Variants in PARP8 observed in about 807,000 individuals in gnomAD.
PARP8 encodes protein mono-ADP-ribosyltransferase PARP8.
PARP8 carries 51 observed loss-of-function variants against 124.1 expected under a neutral mutation model. That is an observed-to-expected ratio of 0.41 (90% CI 0.33 to 0.52). The LOEUF (loss-of-function observed/expected upper bound fraction) is 0.52, where lower values mean the gene tolerates loss of function less well. Among genes scored for constraint, PARP8 ranks in the 20% least tolerant of loss-of-function variants. The probability of loss-of-function intolerance (pLI) is 0.21; values close to 1 mark genes in which losing one functional copy is unlikely to be tolerated. For synonymous variants in PARP8, 391 were observed against 361.5 expected (o/e 1.08, Z -0.93); for missense variants, 860 against 1,018.9 (o/e 0.84, Z 2.12).
chr5:50,730,405 T>G (rs1340496817), intron 2 of PARP8, among the ~76,000 whole-genome samples: 1 of 152,128 alleles, frequency 6.6e-6, no homozygotes, highest in Non-Finnish European at 1.5e-5. Context: ...CTTCACATGA[T>G]AGCAGGGGAG....
At chr5:50,705,583 G>C (rs1296446062) in intron 2 of PARP8, among the ~76,000 whole-genome samples, 2 of 152,134 alleles carry the variant, frequency 1.3e-5, no homozygotes, top group Non-Finnish European at 2.9e-5. Context: ...CTAGGAGTTT[G>C]AGACCAGCCT....
At position 50,742,506 on chromosome 5, in the gene PARP8, G is replaced by A. The variant is rs565877573; in HGVS notation, c.147-7645G>A. On this transcript the variant is annotated intron_variant, in intron 2 of 25. Transcript: ENST00000281631. ...GCTTGTAGGTGGTTGGTGGGAGACA[G>A]AATAAAGGGAATGCCTTGAGGAAGT... Among the ~76,000 whole-genome samples, 8 of 152,250 alleles carry A rather than the reference G, an allele frequency of 5.3e-5. No individual in the cohort carries two copies. In the South Asian group the frequency reaches 6.2e-4, roughly 12 times the overall value.
rs147924788 is a variant in PARP8 at position 50,731,305 on chromosome 5, A to C, written c.147-18846A>C. Among the ~76,000 whole-genome samples the C allele has an allele frequency of 3.3e-3, 506 of 152,274 alleles. 27 individuals carry two copies. The East Asian group carries it at 0.083, about 25-fold the overall frequency. Reference sequence around the variant, plus strand: ...TAGAGAGTGAAATCAAAAATCTCTCAATTTTGAATTTCTTTTTTCAATTGA... The same window carrying C: ...TAGAGAGTGAAATCAAAAATCTCTCCATTTTGAATTTCTTTTTTCAATTGA... On this transcript the variant is annotated intron_variant, in intron 2 of 25. Coordinates refer to ENST00000281631, the MANE Select transcript of PARP8 (RefSeq NM_024615.4).
At chr5:50,739,281 G>A (rs1002700189) in intron 2 of PARP8, among the ~76,000 whole-genome samples, 2 of 152,098 alleles carry the variant, frequency 1.3e-5, no homozygotes, top group Non-Finnish European at 2.9e-5. Flanking sequence ...GAAAACCTTA[G>A]GGCTTCCATA....
intron 2 of PARP8, among the ~76,000 whole-genome samples, chr5:50,727,006 G>T (rs1178998551): frequency 6.6e-6 from 1 of 152,052 alleles, no homozygotes; most frequent in Non-Finnish European, 1.5e-5. Flanking sequence ...TGGTAAAGAT[G>T]ACATTTACAG....
At chr5:50,800,821 A>G (rs1289902866) in intron 14 of PARP8, among the ~76,000 whole-genome samples, 1 of 151,502 alleles carries the variant, frequency 6.6e-6, no homozygotes, top group African/African-American at 2.4e-5. Flanking sequence ...CAGTGGTGCA[A>G]ACATGGCTCA....
At chr5:50,742,187 A>G (rs1420911329) in intron 2 of PARP8, among the ~76,000 whole-genome samples, 1 of 152,196 alleles carries the variant, frequency 6.6e-6, no homozygotes, top group East Asian at 1.9e-4. Flanking sequence ...GGGGGCAGAT[A>G]TTGTGTGCAG....
chr5:50,693,229 T>C (rs1752678936), intron 2 of PARP8, among the ~76,000 whole-genome samples: 1 of 152,190 alleles, frequency 6.6e-6, no homozygotes, highest in Admixed American at 6.5e-5. Context: ...AAGTTTGAAT[T>C]AGTATGGGAA....
intron 3 of PARP8, among the ~76,000 whole-genome samples, chr5:50,759,062 T>A (rs1452072301): frequency 6.6e-6 from 1 of 152,082 alleles, no homozygotes; most frequent in Non-Finnish European, 1.5e-5. Context: ...TTTTGAATGA[T>A]TTGATAATGA....
intron 14 of PARP8, among the ~76,000 whole-genome samples, chr5:50,800,186 A>G (rs1188023139): frequency 6.6e-6 from 1 of 152,072 alleles, no homozygotes; most frequent in East Asian, 1.9e-4. Context: ...GCATTTTATT[A>G]TTTTTGATGT....
At chr5:50,714,084 CTT>C (rs34294100) in intron 2 of PARP8, among the ~76,000 whole-genome samples, 6 of 137,768 alleles carry the variant, frequency 4.4e-5, no homozygotes, top group Admixed American at 7.2e-5. Flanking sequence ...TTCTTTCTTT[CTT>C]TTTTTTTTTT....
intron 2 of PARP8, among the ~76,000 whole-genome samples, chr5:50,688,683 A>T (rs2149456588): frequency 6.6e-6 from 1 of 152,330 alleles, no homozygotes; most frequent in Non-Finnish European, 1.5e-5. Flanking sequence ...TAATTATGAA[A>T]GTTCTCAATT....
intron 24 of PARP8, 131 bp downstream of exon 24, chr5:50,834,179 C>A: frequency 1.1e-5 from 8 of 712,240 alleles, no homozygotes; most frequent in Middle Eastern, 4.3e-4. Context: ...TCTCAAAGGG[C>A]ACAAATGCAA....
intron 2 of PARP8, among the ~76,000 whole-genome samples, chr5:50,714,497 C>T (rs577747213): frequency 1.3e-5 from 2 of 152,144 alleles, no homozygotes; most frequent in East Asian, 3.9e-4. Flanking sequence ...TGGTGGTTTG[C>T]TGCGCCTATC....
At chr5:50,788,502 G>A (rs561649249) in intron 9 of PARP8, 21 bp from the exon 10 acceptor site, 3 of 1,608,668 alleles carry the variant, frequency 1.9e-6, no homozygotes, top group Non-Finnish European at 2.6e-6. Context: ...ATATGTGACT[G>A]TGATCCTTTT....
intron 18 of PARP8, 138 bp downstream of exon 18, chr5:50,825,113 TG>T: frequency 1.4e-6 from 1 of 703,688 alleles, no homozygotes; most frequent in South Asian, 1.9e-5. Context: ...TTATGAGACC[TG>T]GTGATTTTAC....
Position 50,842,373 on chromosome 5 carries a change from C to T in PARP8, c.*305C>T. 1 of 219,700 alleles carries T rather than the reference C, an allele frequency of 4.6e-6. No individual in the cohort carries two copies. The allele number at this position is 219,700 out of a possible 1,614,324, so 13.6% of individuals were successfully genotyped here. ...TGTGCTGATATTTTTATACTAAACT[C>T]TTTAACTGGATATTTGGTATTATAT... is the stretch of plus-strand genomic sequence containing the variant. On this transcript the variant is annotated 3_prime_UTR_variant, in exon 26 of 26. Coordinates refer to ENST00000281631, the MANE Select transcript of PARP8 (RefSeq NM_024615.4).
intron 2 of PARP8, among the ~76,000 whole-genome samples, chr5:50,712,657 C>T (rs1026561011): frequency 6.6e-6 from 1 of 152,016 alleles, no homozygotes; most frequent in African/African-American, 2.4e-5. Context: ...AAGGCATTCA[C>T]AGAGCAGGGA....
intron 9 of PARP8, among the ~76,000 whole-genome samples, chr5:50,780,843 T>C (rs1363294688): frequency 6.6e-6 from 1 of 152,228 alleles, no homozygotes; most frequent in Non-Finnish European, 1.5e-5. Flanking sequence ...TAGAAACTTC[T>C]CATTTTGTGC....
Sources: allele counts gnomAD v4.1 joint callset (sites outside exome capture counted in the v4.1 genomes callset), GRCh38; gene constraint gnomAD v4.1.1; transcripts MANE v1.5; gene names NCBI Gene and HGNC (gene_info 2026-07-23, HGNC 2026-07-21).